Variants in MRPL53 observed in about 807,000 individuals in gnomAD.
MRPL53 encodes mitochondrial ribosomal protein L53, also known as large ribosomal subunit protein mL53.
A neutral mutation model predicts 7.5 loss-of-function variants in MRPL53; 7 were observed. The ratio of observed to expected loss-of-function variants is 0.93; its 90% confidence interval spans 0.53 to 1.75. The LOEUF is 1.75. MRPL53 is among the 40% of genes most tolerant of loss of function. MRPL53 has a pLI of 0.00. For missense variants in MRPL53, 185 were observed against 159.0 expected, an observed-to-expected ratio of 1.16 and a Z score of -0.88; for synonymous variants, 84 against 64.4, an observed-to-expected ratio of 1.30 and a Z score of -1.46.
chr2:74,472,514 C>T (rs754306336), intron 1 of MRPL53, 44 bp from the exon 2 acceptor site: 7 of 1,613,616 alleles, frequency 4.3e-6, no homozygotes, highest in Non-Finnish European at 5.9e-6. Flanking sequence ...GGGCTTAAAG[C>T]CCCGGCTGAA....
chr2:74,472,106 C>T lies in MRPL53; in HGVS notation c.*13G>A. Reference sequence around the variant, plus strand: ...TCCACGCTAAAATCATCTTGTTGGTCTCTTTGGCGCTGTCAGCGACCAGTA... The same window carrying T: ...TCCACGCTAAAATCATCTTGTTGGTTTCTTTGGCGCTGTCAGCGACCAGTA... On this transcript the variant is annotated 3_prime_UTR_variant, in exon 3 of 3. Coordinates refer to ENST00000258105, the MANE Select transcript of MRPL53 (RefSeq NM_053050.5). 1 of 1,613,282 alleles carries T rather than the reference C, an allele frequency of 6.2e-7. No individual in the cohort carries two copies. Among genetic ancestry groups the T allele is most frequent in the Non-Finnish European group, 8.5e-7 (1 of 1,179,664 alleles).
In MRPL53 at chr2:74,472,588, T is replaced by C. The variant is rs141704877; in HGVS notation, c.73A>G (p.Lys25Glu). The C allele has an allele frequency of 0.011, 18,083 of 1,614,194 alleles. 118 individuals are homozygous for C. The highest frequency in any genetic ancestry group is 0.013 in the Non-Finnish European group (15,431 of 1,180,042). Residue 25 changes from lysine (K) to glutamate (E), a missense_variant, in exon 1 of 3, where the codon AAA (lysine) becomes GAA (glutamate). Lys to Glu is a moderately conservative substitution (Grantham distance 56). Transcript: ENST00000258105. ...QVRVQFCPFE[K>E]NVESTRTFLQ... ...TCGTACCTCGTCGATTCCACGTTTTTCTCGAAGGGACAGAACTGAACCCGA... is the reference window on the plus strand; with the variant it reads ...TCGTACCTCGTCGATTCCACGTTTTCCTCGAAGGGACAGAACTGAACCCGA...
Position 74,472,674 on chromosome 2 carries a change from C to G in MRPL53, c.-14G>C. ...GGCAGCTGCCATGGTGACCTCCGCC[C>G]CGGAAGAACTCGTGCAGGCGGAAGT... On this transcript the variant is annotated 5_prime_UTR_variant, in exon 1 of 3. Transcript: ENST00000258105. The G allele has an allele frequency of 6.8e-6, 11 of 1,614,162 alleles. No individual in the cohort carries two copies. The highest frequency in any genetic ancestry group is 9.3e-6 in the Non-Finnish European group (11 of 1,179,984).
chr2:74,472,650 G>T lies in MRPL53; in HGVS notation c.11C>A (p.Ala4Asp), dbSNP rs779401249. 5.5e-5 allele frequency: 89 copies of T among 1,614,238 alleles called. No individual in the cohort carries two copies. In the East Asian group the frequency reaches 1.8e-3, roughly 33 times the overall value. MAAALARLGLRPVK... is the reference protein window; with the variant it reads MAADLARLGLRPVK... The stretch of plus-strand genomic sequence containing the variant: ...AGGCCGCAGACCAAGCCGAGCCAAG[G>T]CAGCTGCCATGGTGACCTCCGCCCC... Residue 4 changes from alanine (A) to aspartate (D), a missense_variant, in exon 1 of 3, where the codon GCC (alanine) becomes GAC (aspartate). By Grantham distance (126) the Ala-to-Asp change is moderately radical. Coordinates refer to ENST00000258105, the MANE Select transcript of MRPL53 (RefSeq NM_053050.5).
Position 74,472,311 on chromosome 2 carries a change from G to C in MRPL53, c.205+47C>G, listed in dbSNP as rs1184939041. On this transcript the variant is annotated intron_variant, in intron 2 of 2. Coordinates refer to ENST00000258105, the MANE Select transcript of MRPL53 (RefSeq NM_053050.5). ...GACCGCAGTGCTGGGGCTTAGGGGC[G>C]CGCGGGCTGCTCGCTGTTCCCTCCT... is the stretch of plus-strand genomic sequence containing the variant. 5.0e-6 allele frequency: 8 copies of C among 1,611,642 alleles called. No individual in the cohort carries two copies. The African/African-American group carries it at 9.3e-5, about 19-fold the overall frequency.
rs1672187865 is a variant in MRPL53 at position 74,472,007 on chromosome 2, A to C, written c.*112T>G. The C allele has an allele frequency of 7.0e-7, 1 of 1,432,756 alleles. No homozygotes were observed. The highest frequency in any genetic ancestry group is 1.4e-5 in the African/African-American group (1 of 70,504). The allele number at this position is 1,432,756 out of a possible 1,614,324, so 88.8% of individuals were successfully genotyped here. A position where few individuals can be genotyped will look rare whatever the true frequency, so the allele number is the denominator to read the frequency against. ...TTGTGGTAGCAGGGTTTTAAACTTT[A>C]TTTTGCGCTCCGTGACCCTTCAGAT... On this transcript the variant is annotated 3_prime_UTR_variant, in exon 3 of 3. Transcript: ENST00000258105.
Position 74,472,142 on chromosome 2 carries a change from G to T in MRPL53, c.316C>A (p.Pro106Thr), listed in dbSNP as rs761235979. ...ARDAAGSGDK[P>T]GADTGR is the part of the protein sequence containing the mutation. Reference sequence around the variant, plus strand: ...TGTCAGCGACCAGTATCAGCGCCCGGCTTGTCCCCGCTGCCCGCCGCGTCC... The same window carrying T: ...TGTCAGCGACCAGTATCAGCGCCCGTCTTGTCCCCGCTGCCCGCCGCGTCC... The change falls in exon 3 of 3, where the codon CCG (proline) becomes ACG (threonine). Residue 106 changes from proline to threonine, a missense_variant. Physicochemically the swap from Pro to Thr is conservative, Grantham distance 38. Coordinates refer to ENST00000258105, the MANE Select transcript of MRPL53 (RefSeq NM_053050.5). 8 of 1,614,028 alleles carry T rather than the reference G, an allele frequency of 5.0e-6. No homozygotes were observed. The highest frequency in any genetic ancestry group is 6.8e-6 in the Non-Finnish European group (8 of 1,180,044).
At chr2:74,472,312 C>T in intron 2 of MRPL53, 46 bp downstream of exon 2, 1 of 1,611,816 alleles carries the variant, frequency 6.2e-7, no homozygotes, top group Non-Finnish European at 8.5e-7. Flanking sequence ...CTTAGGGGCG[C>T]GCGGGCTGCT....
In MRPL53 at chr2:74,472,640, C is replaced by G; in HGVS notation, c.21G>C (p.Arg7=). 6.2e-7 allele frequency: 1 copy of G among 1,614,246 alleles called. No individual in the cohort carries two copies. The highest frequency in any genetic ancestry group is 8.5e-7 in the Non-Finnish European group (1 of 1,180,052). ...CCTGTTTGACAGGCCGCAGACCAAG[C>G]CGAGCCAAGGCAGCTGCCATGGTGA... The part of the protein sequence containing the change: MAAALA[R]LGLRPVKQVR... Residue 7 remains arginine, a synonymous_variant, in exon 1 of 3, where the codon CGG becomes CGC. Transcript: ENST00000258105.
In MRPL53 at chr2:74,472,602, A is replaced by C; in HGVS notation, c.59T>G (p.Phe20Cys). 1.2e-6 allele frequency: 2 copies of C among 1,614,226 alleles called. No homozygotes were observed. Among genetic ancestry groups the C allele is most frequent in the Non-Finnish European group, 1.7e-6 (2 of 1,180,034 alleles). Residue 20 changes from phenylalanine (F) to cysteine (C), a missense_variant, in exon 1 of 3, where the codon TTC becomes TGC. By Grantham distance (205) the Phe-to-Cys change is radical. Coordinates refer to ENST00000258105, the MANE Select transcript of MRPL53 (RefSeq NM_053050.5). ...LRPVKQVRVQ[F>C]CPFEKNVEST... Reference sequence around the variant, plus strand: ...TTCCACGTTTTTCTCGAAGGGACAGAACTGAACCCGAACCTGTTTGACAGG... The same window carrying C: ...TTCCACGTTTTTCTCGAAGGGACAGCACTGAACCCGAACCTGTTTGACAGG...
At position 74,472,035 on chromosome 2, in the gene MRPL53, T is replaced by C; in HGVS notation, c.*84A>G. 6.4e-7 allele frequency: 1 copy of C among 1,553,562 alleles called. No individual in the cohort carries two copies. Among genetic ancestry groups the C allele is most frequent in the Admixed American group, 1.8e-5 (1 of 55,540 alleles). On this transcript the variant is annotated 3_prime_UTR_variant, in exon 3 of 3. Transcript: ENST00000258105. ...TTGCGCTCCGTGACCCTTCAGATAG[T>C]GATTTGAATGATTAAGTGAAACTCT...
chr2:74,472,615 C>G lies in MRPL53; in HGVS notation c.46G>C (p.Val16Leu), dbSNP rs778079553. Residue 16 changes from valine (V) to leucine (L), a missense_variant, in exon 1 of 3, where the codon GTT (valine) becomes CTT (leucine). Coordinates refer to ENST00000258105, the MANE Select transcript of MRPL53 (RefSeq NM_053050.5). ...TCGAAGGGACAGAACTGAACCCGAA[C>G]CTGTTTGACAGGCCGCAGACCAAGC... ...ARLGLRPVKQ[V>L]RVQFCPFEKN... 2.5e-6 allele frequency: 4 copies of G among 1,614,252 alleles called. No homozygotes were observed. Among genetic ancestry groups the G allele is most frequent in the Non-Finnish European group, 3.4e-6 (4 of 1,180,050 alleles).
At position 74,472,041 on chromosome 2, in the gene MRPL53, G is replaced by C; in HGVS notation, c.*78C>G. On this transcript the variant is annotated 3_prime_UTR_variant, in exon 3 of 3. Coordinates refer to ENST00000258105, the MANE Select transcript of MRPL53 (RefSeq NM_053050.5). ...TCCGTGACCCTTCAGATAGTGATTT[G>C]AATGATTAAGTGAAACTCTTCTTAG... 1 of 1,568,258 alleles carries C rather than the reference G, an allele frequency of 6.4e-7. No individual in the cohort carries two copies. The highest frequency in any genetic ancestry group is 8.7e-7 in the Non-Finnish European group (1 of 1,149,974).
rs1213425545 is a variant in MRPL53, at chr2:74,472,257, G to A, written c.206-5C>T. ...TAATCAGGCGATGCCCGTCTCCTGG[G>A]GAAGAAACAAACGAGTGAGACAGGG... On this transcript the variant is annotated splice_polypyrimidine_tract_variant and splice_region_variant and intron_variant, in intron 2 of 2. Transcript: ENST00000258105. 1.2e-6 allele frequency: 2 copies of A among 1,614,074 alleles called. No individual in the cohort carries two copies. The highest frequency in any genetic ancestry group is 1.7e-5 in the Admixed American group (1 of 60,002).
Position 74,472,023 on chromosome 2 carries a change from C to A in MRPL53, c.*96G>T. 2 of 1,514,124 alleles carry A rather than the reference C, an allele frequency of 1.3e-6. No homozygotes were observed. The highest frequency in any genetic ancestry group is 1.8e-5 in the Admixed American group (1 of 54,280). The allele number at this position is 1,514,124 out of a possible 1,614,324, so 93.8% of individuals were successfully genotyped here. On this transcript the variant is annotated 3_prime_UTR_variant, in exon 3 of 3. Transcript: ENST00000258105. ...TTAAACTTTATTTTGCGCTCCGTGA[C>A]CCTTCAGATAGTGATTTGAATGATT...
rs758825200 is a variant in MRPL53 at position 74,472,646 on chromosome 2, C to A, written c.15G>T (p.Leu5Phe). MAAA[L>F]ARLGLRPVKQ... ...TGACAGGCCGCAGACCAAGCCGAGC[C>A]AAGGCAGCTGCCATGGTGACCTCCG... Residue 5 changes from leucine (L) to phenylalanine (F), a missense_variant, in exon 1 of 3, where the codon TTG becomes TTT. Leu to Phe is a conservative substitution (Grantham distance 22). Coordinates refer to ENST00000258105, the MANE Select transcript of MRPL53 (RefSeq NM_053050.5). The A allele has an allele frequency of 1.9e-6, 3 of 1,614,134 alleles. No homozygotes were observed. The highest frequency in any genetic ancestry group is 1.3e-5 in the African/African-American group (1 of 74,942).
In MRPL53 at chr2:74,472,618, G is replaced by T; in HGVS notation, c.43C>A (p.Gln15Lys). 1 of 1,614,244 alleles carries T rather than the reference G, an allele frequency of 6.2e-7. No individual in the cohort carries two copies. Among genetic ancestry groups the T allele is most frequent in the South Asian group, 1.1e-5 (1 of 91,090 alleles). Reference protein sequence around the residue: ...LARLGLRPVKQVRVQFCPFEK... With the variant: ...LARLGLRPVKKVRVQFCPFEK... The stretch of plus-strand genomic sequence containing the variant: ...AAGGGACAGAACTGAACCCGAACCT[G>T]TTTGACAGGCCGCAGACCAAGCCGA... Residue 15 changes from glutamine to lysine, a missense_variant, in exon 1 of 3, where the codon CAG becomes AAG. Gln to Lys is a moderately conservative substitution (Grantham distance 53). Coordinates refer to ENST00000258105, the MANE Select transcript of MRPL53 (RefSeq NM_053050.5).
At chr2:74,472,301 G>A in intron 2 of MRPL53, 49 bp from the exon 3 acceptor site, 2 of 1,612,388 alleles carry the variant, frequency 1.2e-6, no homozygotes, top group Non-Finnish European at 1.7e-6. Context: ...CAGTGCTGGG[G>A]CTTAGGGGCG....
chr2:74,472,436 G>C lies in MRPL53; in HGVS notation c.127C>G (p.Arg43Gly), dbSNP rs780721569. 6.2e-7 allele frequency: 1 copy of C among 1,613,916 alleles called. No homozygotes were observed. The highest frequency in any genetic ancestry group is 8.5e-7 in the Non-Finnish European group (1 of 1,179,878). ...FLQTVSSEKV[R>G]STNLNCSVIA... ...ACTGAGCAGTTGAGATTAGTGGAGC[G>C]GACCTTCTCACTGCTCACCGTCTGC... Residue 43 changes from arginine (R) to glycine (G), a missense_variant, in exon 2 of 3, where the codon CGC (arginine) becomes GGC (glycine). Arg to Gly is a moderately radical substitution (Grantham distance 125). Transcript: ENST00000258105.
Sources: gnomAD v4.1 joint callset for allele counts on GRCh38, gnomAD v4.1.1 for gene constraint, MANE v1.5 for transcripts, NCBI Gene and HGNC (gene_info 2026-07-23, HGNC 2026-07-21) for gene names.